Variants in PDE10A observed in about 807,000 individuals in gnomAD.
The protein encoded by PDE10A is cAMP and cAMP-inhibited cGMP 3',5'-cyclic phosphodiesterase 10A.
In PDE10A, 39 loss-of-function variants were observed where a neutral mutation model predicts 97.7. The ratio of observed to expected loss-of-function variants is 0.40; its 90% confidence interval spans 0.31 to 0.52. PDE10A has a LOEUF of 0.52. Among genes scored for constraint, PDE10A ranks in the 20% least tolerant of loss-of-function variants. The pLI, the probability that PDE10A is intolerant of heterozygous loss-of-function variation, is 0.56. For synonymous variants in PDE10A, 371 were observed against 376.8 expected, an observed-to-expected ratio of 0.98 and a Z score of 0.18; for missense variants, 731 against 1,047.8, an observed-to-expected ratio of 0.70 and a Z score of 4.17.
At chr6:165,524,571 T>C (rs1204729686) in intron 2 of PDE10A, among the ~76,000 whole-genome samples, 1 of 152,118 alleles carries the variant, frequency 6.6e-6, no homozygotes, top group African/African-American at 2.4e-5. Context: ...CCTAAGTTCA[T>C]TGAACAAAGT....
At position 165,329,779 on chromosome 6, in the gene PDE10A, C is replaced by A. The variant is rs961281342; in HGVS notation, c.*3246G>T. 1 of 152,092 alleles carries A rather than the reference C, an allele frequency of 6.6e-6. No homozygotes were observed. Among genetic ancestry groups the A allele is most frequent in the African/African-American group, 2.4e-5 (1 of 41,408 alleles). 9.4% of individuals were successfully genotyped at this position (152,092 alleles called of 1,614,324 possible). On this transcript the variant is annotated 3_prime_UTR_variant, in exon 22 of 22. Coordinates refer to ENST00000539869, the MANE Select transcript of PDE10A (RefSeq NM_001385079.1). Reference sequence around the variant, plus strand: ...TGGTGAGAACGAGTCACCTGGGGCACCACTGTAAACATCTGTACCTTCCTT... The same window carrying A: ...TGGTGAGAACGAGTCACCTGGGGCAACACTGTAAACATCTGTACCTTCCTT...
At chr6:165,588,052 CA>C (rs1786019089) in intron 1 of PDE10A, among the ~76,000 whole-genome samples, 1 of 152,120 alleles carries the variant, frequency 6.6e-6, no homozygotes, top group Non-Finnish European at 1.5e-5. Context: ...TCTTTATCAT[CA>C]ATAAGAAATG....
At chr6:165,466,662 C>T (rs891621152) in intron 3 of PDE10A, among the ~76,000 whole-genome samples, 7 of 152,150 alleles carry the variant, frequency 4.6e-5, no homozygotes, top group African/African-American at 1.7e-4. Context: ...TTAAGGTGAT[C>T]TACAGTCAGT....
At chr6:165,646,650 G>A (rs1279264155) in intron 1 of PDE10A, among the ~76,000 whole-genome samples, 1 of 152,184 alleles carries the variant, frequency 6.6e-6, no homozygotes, top group East Asian at 1.9e-4. Flanking sequence ...AGCTTATGAT[G>A]TCGAGGAAAG....
intron 1 of PDE10A, among the ~76,000 whole-genome samples, chr6:165,627,234 T>C (rs1365131389): frequency 3.3e-5 from 5 of 152,220 alleles, no homozygotes; most frequent in Admixed American, 3.3e-4. Flanking sequence ...ATAATCTGTA[T>C]GTAACATACA....
At chr6:165,452,387 T>C (rs1446738788) in intron 3 of PDE10A, among the ~76,000 whole-genome samples, 1 of 152,230 alleles carries the variant, frequency 6.6e-6, no homozygotes, top group Admixed American at 6.5e-5. Context: ...AAAGTTCATG[T>C]TTTGAAAACT....
At chr6:165,865,929 C>T (rs1781030429) in intron 1 of PDE10A, among the ~76,000 whole-genome samples, 1 of 151,968 alleles carries the variant, frequency 6.6e-6, no homozygotes, top group South Asian at 2.1e-4. Flanking sequence ...ATACAGGAAC[C>T]TCAAATATCT....
intron 1 of PDE10A, among the ~76,000 whole-genome samples, chr6:165,619,558 T>C (rs62647942): frequency 0.33 from 738 of 2,226 alleles, 171 homozygotes; most frequent in African/African-American, 0.53. Context: ...TGTAGTCTAG[T>C]GTAGTATACT....
At chr6:165,604,549 G>T (rs76914213) in intron 1 of PDE10A, among the ~76,000 whole-genome samples, 14,649 of 149,946 alleles carry the variant, frequency 0.098, 891 homozygotes, top group Non-Finnish European at 0.13. Context: ...TTACTATACT[G>T]TCAAAAGCAT....
chr6:165,777,848 T>A (rs1275950493), intron 1 of PDE10A, among the ~76,000 whole-genome samples: 1 of 152,162 alleles, frequency 6.6e-6, no homozygotes, highest in Non-Finnish European at 1.5e-5. Flanking sequence ...CCATGGTGTC[T>A]GCTGGCCTGC....
chr6:165,362,101 C>G (rs1270953354), intron 18 of PDE10A, among the ~76,000 whole-genome samples: 1 of 151,854 alleles, frequency 6.6e-6, no homozygotes, highest in Non-Finnish European at 1.5e-5. Flanking sequence ...AGAAATAATT[C>G]AAATTAATAA....
At chr6:165,538,424 T>C (rs1301119505) in intron 2 of PDE10A, among the ~76,000 whole-genome samples, 1 of 152,158 alleles carries the variant, frequency 6.6e-6, no homozygotes, top group African/African-American at 2.4e-5. Flanking sequence ...GGCATTCTAC[T>C]TACAATTTTC....
chr6:165,890,630 G>A (rs1350681665), intron 1 of PDE10A, among the ~76,000 whole-genome samples: 2 of 152,142 alleles, frequency 1.3e-5, no homozygotes, highest in Non-Finnish European at 2.9e-5. Flanking sequence ...TTTCTCAGTG[G>A]ATCTCAAGTA....
intron 1 of PDE10A, among the ~76,000 whole-genome samples, chr6:165,717,727 G>A (rs547188382): frequency 1.3e-5 from 2 of 152,324 alleles, no homozygotes; most frequent in South Asian, 4.1e-4. Flanking sequence ...TGCGATGGTT[G>A]CACTGTTTTA....
intron 2 of PDE10A, among the ~76,000 whole-genome samples, chr6:165,501,854 G>A (rs373700723): frequency 1.3e-5 from 2 of 152,140 alleles, no homozygotes; most frequent in East Asian, 3.9e-4. Context: ...GTCAGTTTTT[G>A]AAAATAAATA....
At chr6:165,490,024 G>A (rs1025905503) in intron 2 of PDE10A, among the ~76,000 whole-genome samples, 3 of 152,178 alleles carry the variant, frequency 2.0e-5, no homozygotes, top group Non-Finnish European at 2.9e-5. Context: ...ACATATTTGA[G>A]GGAACAATTG....
In PDE10A at chr6:165,543,477, T is replaced by C; in HGVS notation, c.957A>G (p.Val319=). The C allele has an allele frequency of 6.2e-7, 1 of 1,613,230 alleles. No individual in the cohort carries two copies. The highest frequency in any genetic ancestry group is 8.5e-7 in the Non-Finnish European group (1 of 1,179,514). Residue 319 remains valine (V), a synonymous_variant, in exon 2 of 22, where the codon GTA becomes GTG. Coordinates refer to ENST00000539869, the MANE Select transcript of PDE10A (RefSeq NM_001385079.1). ...TGTTCTTCCTCTTCAGCCATTTCTC[T>C]ACTGTCTCTGCACTAACACTTTCAG... is the stretch of plus-strand genomic sequence containing the variant. ...FVSESVSAET[V]EKWLKRKNNK...
chr6:165,562,401 C>CAAGATAATTTTGTTTCAATATTTTG (rs1307608560), intron 1 of PDE10A, among the ~76,000 whole-genome samples: 6 of 152,130 alleles, frequency 3.9e-5, no homozygotes, highest in African/African-American at 1.4e-4. Context: ...AGTATTAGCT[C>CAAGATAATTTTGTTTCAATATTTTG]TTCTCAAGAT....
chr6:165,755,662 T>A (rs1793100285), intron 1 of PDE10A, among the ~76,000 whole-genome samples: 1 of 152,150 alleles, frequency 6.6e-6, no homozygotes, highest in Non-Finnish European at 1.5e-5. Context: ...GGGAAAGAAT[T>A]ACACTGAGGG....
Sources: gnomAD v4.1 joint callset for allele counts (sites outside exome capture counted in the v4.1 genomes callset) on GRCh38, gnomAD v4.1.1 for gene constraint, MANE v1.5 for transcripts, NCBI Gene and HGNC (gene_info 2026-07-23, HGNC 2026-07-21) for gene names.